ENTREP2: variants seen among roughly 807,000 people sequenced by gnomAD.
ENTREP2 encodes endosomal transmembrane epsin interactor 2, also known as protein ENTREP2.
the ENTREP2 span, among the ~76,000 whole-genome samples, chr15:29,356,268 GTATATATATATA>G: frequency 8.4e-3 from 482 of 57,590 alleles, 13 homozygotes; most frequent in Middle Eastern, 0.054. Flanking sequence ...GTGTGTGTGT[GTATATATATATA>G]TATATATATA....
chr15:29,427,343 C>CT, the ENTREP2 span, among the ~76,000 whole-genome samples: 1 of 152,190 alleles, frequency 6.6e-6, no homozygotes, highest in Admixed American at 6.5e-5. Context: ...CGGAGTCCAA[C>CT]TTGGGGTACC....
the ENTREP2 span, among the ~76,000 whole-genome samples, chr15:29,557,782 T>C: frequency 2.6e-5 from 4 of 152,306 alleles, no homozygotes; most frequent in East Asian, 7.7e-4. Context: ...GTTCTCCCCT[T>C]CGAGCTCAGC....
chr15:29,490,996 G>A, the ENTREP2 span, among the ~76,000 whole-genome samples: 3 of 152,338 alleles, frequency 2.0e-5, no homozygotes, highest in South Asian at 2.1e-4. Flanking sequence ...CAGCATGGCG[G>A]GCTGCAGATC....
At chr15:29,471,412 G>T in the ENTREP2 span, among the ~76,000 whole-genome samples, 1 of 152,234 alleles carries the variant, frequency 6.6e-6, no homozygotes, top group Admixed American at 6.5e-5. Flanking sequence ...CAAATAGAAA[G>T]TGAGGGCACA....
the ENTREP2 span, among the ~76,000 whole-genome samples, chr15:29,531,890 C>T: frequency 6.6e-6 from 1 of 152,120 alleles, no homozygotes. Context: ...GGTCTCAAAC[C>T]CCTGACCTCA....
At chr15:29,144,573 T>C in the ENTREP2 span, among the ~76,000 whole-genome samples, 1 of 151,904 alleles carries the variant, frequency 6.6e-6, no homozygotes, top group African/African-American at 2.4e-5. Context: ...TACAAAAAAA[T>C]TAAAAAATTA....
chr15:29,189,431 T>G, the ENTREP2 span, among the ~76,000 whole-genome samples: 1 of 152,020 alleles, frequency 6.6e-6, no homozygotes, highest in Non-Finnish European at 1.5e-5. Flanking sequence ...TTTTTTTTTT[T>G]TTTTAACTTT....
At chr15:29,117,753 G>T in the ENTREP2 span, 1 of 151,662 alleles carries the variant, frequency 6.6e-6, no homozygotes, top group African/African-American at 2.4e-5. Flanking sequence ...TTACTGTTTG[G>T]ACTTTTATTT....
the ENTREP2 span, chr15:29,151,717 G>A: frequency 1.3e-6 from 2 of 1,534,416 alleles, no homozygotes; most frequent in Admixed American, 3.9e-5. Flanking sequence ...AGAGGAGGAG[G>A]GGATCAGGCC....
chr15:29,196,096 C>A, the ENTREP2 span, among the ~76,000 whole-genome samples: 1 of 152,066 alleles, frequency 6.6e-6, no homozygotes, highest in Non-Finnish European at 1.5e-5. Flanking sequence ...CCATTTGTTC[C>A]CTGATGGTAT....
the ENTREP2 span, among the ~76,000 whole-genome samples, chr15:29,440,213 T>C: frequency 6.6e-5 from 10 of 152,238 alleles, no homozygotes; most frequent in East Asian, 1.2e-3. Flanking sequence ...GTCTGTAGTT[T>C]AGTTATTTTT....
At chr15:29,450,314 C>G in the ENTREP2 span, among the ~76,000 whole-genome samples, 2 of 152,098 alleles carry the variant, frequency 1.3e-5, no homozygotes, top group Non-Finnish European at 2.9e-5. Context: ...TTTCCATGTC[C>G]AAAATGGTAT....
chr15:29,618,023 T>G, the ENTREP2 span, among the ~76,000 whole-genome samples: 1 of 152,226 alleles, frequency 6.6e-6, no homozygotes, highest in Non-Finnish European at 1.5e-5. Context: ...CACCTCTGTT[T>G]CTGTTTCCTA....
chr15:29,647,839 T>C, the ENTREP2 span, among the ~76,000 whole-genome samples: 1 of 152,136 alleles, frequency 6.6e-6, no homozygotes, highest in African/African-American at 2.4e-5. Context: ...ATGACCATTT[T>C]GCCAAGAGGT....
the ENTREP2 span, among the ~76,000 whole-genome samples, chr15:29,533,321 T>G: frequency 6.6e-6 from 1 of 152,178 alleles, no homozygotes; most frequent in Non-Finnish European, 1.5e-5. Flanking sequence ...TCATAAAAAT[T>G]ACGCATTTTG....
the ENTREP2 span, among the ~76,000 whole-genome samples, chr15:29,672,891 C>CT: frequency 6.6e-6 from 1 of 152,088 alleles, no homozygotes; most frequent in Non-Finnish European, 1.5e-5. Flanking sequence ...GAATTCAGGG[C>CT]AAGTCCATCA....
the ENTREP2 span, among the ~76,000 whole-genome samples, chr15:29,170,339 T>C: frequency 1.4e-5 from 2 of 143,184 alleles, no homozygotes; most frequent in East Asian, 4.1e-4. Flanking sequence ...AAAATCAATA[T>C]GCAAAATTCA....
the ENTREP2 span, among the ~76,000 whole-genome samples, chr15:29,501,089 G>A: frequency 2.6e-5 from 4 of 151,954 alleles, no homozygotes; most frequent in Admixed American, 6.6e-5. Context: ...GGAAAGCCTC[G>A]ACCAGATGGT....
the ENTREP2 span, among the ~76,000 whole-genome samples, chr15:29,622,567 G>A: frequency 2.0e-5 from 3 of 152,182 alleles, no homozygotes; most frequent in East Asian, 1.9e-4. Flanking sequence ...AACCTAAGGA[G>A]AAATGTTGAA....
Sources: gnomAD v4.1 joint callset for allele counts (sites outside exome capture counted in the v4.1 genomes callset) on GRCh38, gnomAD v4.1.1 for gene constraint, MANE v1.5 for transcripts, NCBI Gene and HGNC (gene_info 2026-07-23, HGNC 2026-07-21) for gene names.